CACNG3: variants seen among roughly 807,000 people sequenced by gnomAD.
The protein encoded by CACNG3 is calcium voltage-gated channel auxiliary subunit gamma 3.
In CACNG3, 3 loss-of-function variants were observed where a neutral mutation model predicts 28.5. The ratio of observed to expected loss-of-function variants is 0.11; its 90% CI spans 0.05 to 0.27. The LOEUF is 0.27. Among genes scored for constraint, CACNG3 ranks in the 10% least tolerant of loss-of-function variants. CACNG3 has a pLI of 1.00. For missense variants in CACNG3, 236 were observed against 414.4 expected, an observed-to-expected ratio of 0.57 and a Z score of 3.74; for synonymous variants, 174 against 162.2, an observed-to-expected ratio of 1.07 and a Z score of -0.55.
intron 1 of CACNG3, among the ~76,000 whole-genome samples, chr16:24,305,508 A>G (rs549573132): frequency 6.6e-6 from 1 of 151,980 alleles, no homozygotes; most frequent in African/African-American, 2.4e-5. Flanking sequence ...CCCAGTTAAT[A>G]TTTTTTTAAA....
chr16:24,351,508 G>T (rs1426535996), intron 2 of CACNG3, among the ~76,000 whole-genome samples: 1 of 151,030 alleles, frequency 6.6e-6, no homozygotes, highest in Non-Finnish European at 1.5e-5. Flanking sequence ...GGTGGTGGAG[G>T]TTGCAGTGAG....
At chr16:24,294,277 G>A (rs1295684557) in intron 1 of CACNG3, among the ~76,000 whole-genome samples, 4 of 152,302 alleles carry the variant, frequency 2.6e-5, no homozygotes, top group Non-Finnish European at 1.5e-5. Flanking sequence ...GCTTGGGAGT[G>A]AGAAATCCCC....
intron 1 of CACNG3, among the ~76,000 whole-genome samples, chr16:24,343,189 A>G (rs1346925212): frequency 6.6e-6 from 1 of 151,988 alleles, no homozygotes; most frequent in Non-Finnish European, 1.5e-5. Context: ...AACTCTGCCT[A>G]AAAAACAAAC....
chr16:24,335,366 G>A (rs932351038), intron 1 of CACNG3, among the ~76,000 whole-genome samples: 5 of 152,202 alleles, frequency 3.3e-5, no homozygotes, highest in Admixed American at 6.5e-5. Context: ...GTTGCAGTGA[G>A]CCAAGATCGC....
At chr16:24,328,459 C>T (rs1899587635) in intron 1 of CACNG3, among the ~76,000 whole-genome samples, 1 of 150,338 alleles carries the variant, frequency 6.7e-6, no homozygotes, top group Non-Finnish European at 1.5e-5. Flanking sequence ...CCCAAGATAC[C>T]TGCAGACATA....
intron 1 of CACNG3, among the ~76,000 whole-genome samples, chr16:24,273,956 C>A (rs1176340793): frequency 6.6e-6 from 1 of 152,028 alleles, no homozygotes; most frequent in Non-Finnish European, 1.5e-5. Flanking sequence ...CCTGCCTCCT[C>A]AGTATAGTAT....
chr16:24,257,369 GAGAGAGAGAGAGAGAGAGAGAGAGAGAGA>G (rs1898475569), intron 1 of CACNG3, among the ~76,000 whole-genome samples: 2 of 19,666 alleles, frequency 1.0e-4, no homozygotes, highest in East Asian at 5.2e-3. Context: ...AGTGAGGGGG[GAGAGAGAGAGAGAGAGAGAGAGAGAGAGA>G]GAGAGAGAGA....
intron 3 of CACNG3, among the ~76,000 whole-genome samples, chr16:24,358,942 T>C (rs1410265547): frequency 1.3e-5 from 2 of 152,164 alleles, no homozygotes; most frequent in African/African-American, 2.4e-5. Flanking sequence ...ATATAAAGAT[T>C]TTGCACAGTG....
chr16:24,313,492 A>G (rs1444617122), intron 1 of CACNG3, among the ~76,000 whole-genome samples: 3 of 152,012 alleles, frequency 2.0e-5, no homozygotes, highest in African/African-American at 7.2e-5. Flanking sequence ...ACTTATTTAT[A>G]TTTGTTTTTA....
Position 24,256,696 on chromosome 16 carries a change from C to T in CACNG3, c.-59C>T, listed in dbSNP as rs1048546449. 8.7e-7 allele frequency: 1 copy of T among 1,150,398 alleles called. No individual in the cohort carries two copies. Among genetic ancestry groups the T allele is most frequent in the Non-Finnish European group, 1.3e-6 (1 of 758,874 alleles). The allele number at this position is 1,150,398 out of a possible 1,614,324, so 71.3% of individuals were successfully genotyped here. ...GTTACCCGGCTGCAGAGTGATTTTC[C>T]CCTCCGGCACTGACTCTCCCCCTCC... On this transcript the variant is annotated 5_prime_UTR_variant, in exon 1 of 4. Coordinates refer to ENST00000005284, the MANE Select transcript of CACNG3 (RefSeq NM_006539.4). The surrounding 1 kb of genome is among the most constrained non-coding windows in gnomAD (Gnocchi z 4.6).
Position 24,362,032 on chromosome 16 carries a change from ACC to A in CACNG3, c.*172_*173del. The A allele has an allele frequency of 1.7e-6, 1 of 594,766 alleles. No individual in the cohort carries two copies. The highest frequency in any genetic ancestry group is 2.8e-6 in the Non-Finnish European group (1 of 350,928). 36.8% of individuals were successfully genotyped at this position (594,766 alleles called of 1,614,324 possible). Reference sequence around the variant, plus strand: ...TTTTCCCCTCACCCTCCAAGTCCTAACCCCTCCATCCTCTCTAACTTTTCAAG... The same window carrying A: ...TTTTCCCCTCACCCTCCAAGTCCTAACCTCCATCCTCTCTAACTTTTCAAG... On this transcript the variant is annotated 3_prime_UTR_variant, in exon 4 of 4. Coordinates refer to ENST00000005284, the MANE Select transcript of CACNG3 (RefSeq NM_006539.4).
At chr16:24,329,548 G>A (rs1899604727) in intron 1 of CACNG3, among the ~76,000 whole-genome samples, 1 of 152,162 alleles carries the variant, frequency 6.6e-6, no homozygotes, top group African/African-American at 2.4e-5. Flanking sequence ...AGTTTGCAGG[G>A]AACAGAAATC....
At chr16:24,326,929 T>G (rs1899555768) in intron 1 of CACNG3, among the ~76,000 whole-genome samples, 1 of 151,812 alleles carries the variant, frequency 6.6e-6, no homozygotes, top group Non-Finnish European at 1.5e-5. Context: ...CCTGAACCAG[T>G]CTAGCTAATG....
intron 1 of CACNG3, among the ~76,000 whole-genome samples, chr16:24,295,453 A>G (rs1189303904): frequency 6.6e-6 from 1 of 152,194 alleles, no homozygotes; most frequent in African/African-American, 2.4e-5. Context: ...GGTGTTAATA[A>G]TAAAAATAAC....
chr16:24,274,933 G>A (rs1004356740), intron 1 of CACNG3, among the ~76,000 whole-genome samples: 9 of 152,116 alleles, frequency 5.9e-5, no homozygotes, highest in East Asian at 3.8e-4. Context: ...ATTTTAAATC[G>A]GAAAACCGCT....
intron 1 of CACNG3, among the ~76,000 whole-genome samples, chr16:24,332,648 T>C (rs1899646194): frequency 6.6e-6 from 1 of 151,414 alleles, no homozygotes; most frequent in Non-Finnish European, 1.5e-5. Flanking sequence ...CAGCTCAGGG[T>C]CCTTGTTACT....
intron 1 of CACNG3, among the ~76,000 whole-genome samples, chr16:24,272,375 C>CA (rs985648983): frequency 4.7e-5 from 7 of 149,412 alleles, no homozygotes; most frequent in Non-Finnish European, 8.9e-5. Context: ...AAATCTCTCT[C>CA]TTTTTTTTTT....
intron 3 of CACNG3, among the ~76,000 whole-genome samples, chr16:24,355,379 G>GC (rs5816252): frequency 0.92 from 139,509 of 152,188 alleles, 63,980 homozygotes; most frequent in East Asian, 1. Context: ...TTCGAGACCA[G>GC]CTGGGCAGCA....
chr16:24,312,136 T>C (rs1296493724), intron 1 of CACNG3, among the ~76,000 whole-genome samples: 2 of 152,180 alleles, frequency 1.3e-5, no homozygotes, highest in African/African-American at 4.8e-5. Flanking sequence ...ATGTGGTTTG[T>C]GCTTGGTTCA....
Sources: gnomAD v4.1 joint callset for allele counts (sites outside exome capture counted in the v4.1 genomes callset) on GRCh38, gnomAD v4.1.1 for gene constraint, Gnocchi (gnomAD v3.1) non-coding constraint, MANE v1.5 for transcripts, NCBI Gene and HGNC (gene_info 2026-07-23, HGNC 2026-07-21) for gene names.